The following FAM193A variants were observed in gnomAD, a reference collection of about 807,000 sequenced individuals.
The protein encoded by FAM193A is family with sequence similarity 193 member A.
A neutral mutation model predicts 126.5 loss-of-function variants in FAM193A; 22 were observed. The ratio of observed to expected loss-of-function variants is 0.17; its 90% CI spans 0.12 to 0.25. The LOEUF (loss-of-function observed/expected upper bound fraction) is 0.25. Among genes scored for constraint, FAM193A ranks in the 10% least tolerant of loss-of-function variants. The probability of loss-of-function intolerance (pLI) is 1.00; values close to 1 mark genes in which losing one functional copy is unlikely to be tolerated. For synonymous variants in FAM193A, 761 were observed against 646.8 expected (o/e 1.18, Z -2.68); for missense variants, 1,675 against 1,672.8 (o/e 1.00, Z -0.02).
At chr4:2,590,146 A>AAG (rs1553890349) in intron 1 of FAM193A, among the ~76,000 whole-genome samples, 1 of 149,724 alleles carries the variant, frequency 6.7e-6, no homozygotes, top group Non-Finnish European at 1.5e-5. Flanking sequence ...AAAAAAAAAA[A>AAG]AAAGAAAGAA....
intron 20 of FAM193A, among the ~76,000 whole-genome samples, chr4:2,725,177 C>G (rs1040525431): frequency 1.3e-5 from 2 of 152,058 alleles, no homozygotes; most frequent in Non-Finnish European, 2.9e-5. Flanking sequence ...CCACACCTGG[C>G]CCTGTCTCTA....
intron 2 of FAM193A, among the ~76,000 whole-genome samples, chr4:2,600,245 A>C (rs1469901511): frequency 6.6e-6 from 1 of 152,138 alleles, no homozygotes; most frequent in African/African-American, 2.4e-5. Flanking sequence ...CATGGATTCC[A>C]TTCCTGTTAG....
chr4:2,700,193 A>C lies in FAM193A; in HGVS notation c.4021A>C (p.Arg1341=). Residue 1341 remains arginine (R), a synonymous_variant, in exon 19 of 21, where the codon AGG becomes CGG. Transcript: ENST00000637812. The part of the protein sequence containing the change: ...HKEGNGKQKL[R]QTSKASSEPA... ...AGAAGGAAATGGCAAGCAGAAGCTG[A>C]GGCAGACCAGCAAGGCCAGCAGCGA... The C allele has an allele frequency of 6.2e-7, 1 of 1,613,852 alleles. No individual in the cohort carries two copies.
chr4:2,628,851 CTCTTT>C (rs1304291844), intron 4 of FAM193A, among the ~76,000 whole-genome samples: 84 of 146,286 alleles, frequency 5.7e-4, no homozygotes, highest in Admixed American at 6.9e-4. Context: ...TGCTGTCTCT[CTCTTT>C]TTTTTTTTTT....
At chr4:2,553,886 A>G (rs995005479) in intron 1 of FAM193A, among the ~76,000 whole-genome samples, 3 of 151,866 alleles carry the variant, frequency 2.0e-5, no homozygotes, top group African/African-American at 7.3e-5. Flanking sequence ...TTCCCTGGGC[A>G]AGCTCTCTCT....
intron 1 of FAM193A, among the ~76,000 whole-genome samples, chr4:2,586,046 C>T (rs1013218598): frequency 9.9e-5 from 15 of 152,006 alleles, no homozygotes; most frequent in African/African-American, 3.6e-4. Context: ...GAGTTCATGA[C>T]AAGCCTGATC....
chr4:2,656,013 C>T (rs867648943), intron 7 of FAM193A, among the ~76,000 whole-genome samples: 12 of 152,078 alleles, frequency 7.9e-5, no homozygotes, highest in African/African-American at 2.7e-4. Flanking sequence ...TCTCAAATTC[C>T]TGGCCTCAAG....
At chr4:2,719,576 T>C (rs1288555624) in intron 20 of FAM193A, among the ~76,000 whole-genome samples, 4 of 151,788 alleles carry the variant, frequency 2.6e-5, no homozygotes, top group African/African-American at 9.7e-5. Context: ...AGAAACCCCA[T>C]CTCTACTAAA....
intron 20 of FAM193A, among the ~76,000 whole-genome samples, chr4:2,725,579 A>AC (rs1720653812): frequency 6.6e-6 from 1 of 151,506 alleles, no homozygotes. Context: ...TAGACTCTAG[A>AC]TAGAGTGTGG....
At chr4:2,592,761 GGGAA>G (rs1284126405) in intron 1 of FAM193A, among the ~76,000 whole-genome samples, 3 of 152,176 alleles carry the variant, frequency 2.0e-5, no homozygotes, top group Non-Finnish European at 4.4e-5. Flanking sequence ...CTGCAAAGAG[GGGAA>G]GGAAGAGCTC....
intron 19 of FAM193A, among the ~76,000 whole-genome samples, chr4:2,713,596 C>G (rs754579439): frequency 1.3e-5 from 2 of 152,130 alleles, no homozygotes; most frequent in African/African-American, 2.4e-5. Context: ...TGAGTGAATT[C>G]CATTCTTTGT....
chr4:2,701,976 T>C (rs1235190755), intron 19 of FAM193A, among the ~76,000 whole-genome samples: 1 of 152,164 alleles, frequency 6.6e-6, no homozygotes, highest in Non-Finnish European at 1.5e-5. Flanking sequence ...TTCACCTTGT[T>C]GGTCAGGCTG....
intron 1 of FAM193A, among the ~76,000 whole-genome samples, chr4:2,550,291 C>T (rs1305419237): frequency 1.3e-5 from 2 of 152,108 alleles, no homozygotes; most frequent in Non-Finnish European, 2.9e-5. Context: ...AGTCATCTAC[C>T]TGCCTTGGCC....
intron 5 of FAM193A, among the ~76,000 whole-genome samples, chr4:2,633,121 G>T (rs959255810): frequency 6.6e-6 from 1 of 152,004 alleles, no homozygotes; most frequent in Non-Finnish European, 1.5e-5. Context: ...CTTGAGGCCG[G>T]GTGCGGTGGC....
At position 2,683,935 on chromosome 4, in the gene FAM193A, TC is replaced by T. The variant is rs546156788; in HGVS notation, c.2332-5569del. Among the ~76,000 whole-genome samples the T allele has an allele frequency of 2.5e-4, 38 of 152,340 alleles. No homozygotes were observed. In the South Asian group the frequency reaches 3.7e-3, roughly 15 times the overall value. On this transcript the variant is annotated intron_variant, in intron 13 of 20. Transcript: ENST00000637812. ...CATATCTTGCAGCTCCCTGACTCTTTCCTTGGCCGTGTCGTCTCCTGATGAG... is the reference window on the plus strand; with the variant it reads ...CATATCTTGCAGCTCCCTGACTCTTTCTTGGCCGTGTCGTCTCCTGATGAG...
At chr4:2,673,256 T>C (rs1714026974) in intron 13 of FAM193A, among the ~76,000 whole-genome samples, 1 of 152,200 alleles carries the variant, frequency 6.6e-6, no homozygotes. Context: ...ATTTAAAACA[T>C]TGCTTTTGAG....
intron 5 of FAM193A, 53 bp downstream of exon 5, chr4:2,631,222 T>C: frequency 1.3e-6 from 2 of 1,530,490 alleles, no homozygotes; most frequent in Admixed American, 1.8e-5. Context: ...AAGAGAAGCA[T>C]GTGGCAAGAG....
intron 2 of FAM193A, among the ~76,000 whole-genome samples, chr4:2,613,806 G>T (rs1194076499): frequency 1.5e-5 from 2 of 134,588 alleles, no homozygotes; most frequent in East Asian, 4.8e-4. Context: ...TCGCTTTGTA[G>T]CCCAGGCTGG....
intron 20 of FAM193A, among the ~76,000 whole-genome samples, chr4:2,718,977 A>T (rs953532463): frequency 6.6e-6 from 1 of 152,208 alleles, no homozygotes; most frequent in African/African-American, 2.4e-5. Flanking sequence ...AATTCTACCA[A>T]ACTTTCAGAC....
Sources: allele counts gnomAD v4.1 joint callset (sites outside exome capture counted in the v4.1 genomes callset), GRCh38; gene constraint gnomAD v4.1.1; transcripts MANE v1.5; gene names NCBI Gene and HGNC (gene_info 2026-07-23, HGNC 2026-07-21).